CFAP126: variants seen among roughly 807,000 people sequenced by gnomAD.
CFAP126 encodes the protein protein Flattop.
CFAP126 carries 21 observed loss-of-function variants against 17.1 expected under a neutral mutation model. The observed-to-expected ratio is 1.23, with a 90% CI of 0.87 to 1.77. The LOEUF (loss-of-function observed/expected upper bound fraction) is 1.77. Among genes scored for constraint, CFAP126 ranks in the 40% most tolerant of loss-of-function variants. The probability of loss-of-function intolerance (pLI) is 0.00; values close to 1 mark genes in which losing one functional copy is unlikely to be tolerated. For synonymous variants in CFAP126, 65 were observed against 73.5 expected (o/e 0.88, Z 0.59); for missense variants, 174 against 215.4 (o/e 0.81, Z 1.20).
In CFAP126 at chr1:161,365,168, G is replaced by C. The variant is rs115253948; in HGVS notation, c.349-18C>G. The C allele has an allele frequency of 4.1e-3, 6,624 of 1,611,308 alleles. 151 individuals carry two copies. In the African/African-American group the frequency reaches 0.063, roughly 15 times the overall value. On this transcript the variant is annotated intron_variant, in intron 4 of 4. Transcript: ENST00000367974. ...TCATGGGGCTGTCAGTGATAAGAGT[G>C]GGAGAGATAGTCATGTCTCTGGTCA... is the stretch of plus-strand genomic sequence containing the variant.
intron 3 of CFAP126, 163 bp from the exon 4 acceptor site, chr1:161,365,865 T>C (rs1558189029): frequency 1.4e-6 from 1 of 734,496 alleles, no homozygotes; most frequent in Non-Finnish European, 2.2e-6. Context: ...CATTTAGGCT[T>C]TGCAGGCCTA....
At chr1:161,366,776 C>T (rs995361131) in intron 1 of CFAP126, 24 of 445,466 alleles carry the variant, frequency 5.4e-5, no homozygotes, top group Non-Finnish European at 9.1e-5. Flanking sequence ...AAGTTTTTTT[C>T]TTTTCTTTTT....
At position 161,367,837 on chromosome 1, in the gene CFAP126, CT is replaced by C. The variant is rs749111529; in HGVS notation, c.27+4del. On this transcript the variant is annotated splice_donor_region_variant and intron_variant, in intron 1 of 4. Transcript: ENST00000367974. The stretch of plus-strand genomic sequence containing the variant: ...ACGTTAAAGAAATGGAGAATGGGAA[CT>C]TACCTGGTTGGCACTGTAGTTAGTG... The C allele has an allele frequency of 1.2e-6, 2 of 1,613,716 alleles. No individual in the cohort carries two copies. The highest frequency in any genetic ancestry group is 2.2e-5 in the South Asian group (2 of 91,056).
In CFAP126 at chr1:161,364,848, G is replaced by A. The variant is rs1478176129; in HGVS notation, c.*117C>T. ...TGTTTATTTCACTGAGTCGCTATAC[G>A]GGTTTTTCAGTGTGTGGCCACTTGG... On this transcript the variant is annotated 3_prime_UTR_variant, in exon 5 of 5. Coordinates refer to ENST00000367974, the MANE Select transcript of CFAP126 (RefSeq NM_001013625.4). 2.5e-5 allele frequency: 24 copies of A among 973,128 alleles called. No individual in the cohort carries two copies. Among genetic ancestry groups the A allele is most frequent in the Admixed American group, 4.7e-5 (2 of 42,274 alleles). The allele number at this position is 973,128 out of a possible 1,614,324, so 60.3% of individuals were successfully genotyped here. A position where few individuals can be genotyped will look rare whatever the true frequency, so the allele number is the denominator to read the frequency against.
intron 3 of CFAP126, 114 bp downstream of exon 3, chr1:161,366,084 A>G: frequency 1.1e-6 from 1 of 917,908 alleles, no homozygotes; most frequent in Admixed American, 2.0e-5. Context: ...ACATTACAAC[A>G]TGAATTAGAT....
At chr1:161,367,490 A>T (rs896629484) in intron 1 of CFAP126, 1 of 227,662 alleles carries the variant, frequency 4.4e-6, no homozygotes, top group Non-Finnish European at 8.4e-6. Flanking sequence ...AATTGTACTC[A>T]GTTATATTTT....
At position 161,364,832 on chromosome 1, in the gene CFAP126, C is replaced by T; in HGVS notation, c.*133G>A. 1.2e-6 allele frequency: 1 copy of T among 862,108 alleles called. No individual in the cohort carries two copies. Among genetic ancestry groups the T allele is most frequent in the Non-Finnish European group, 1.8e-6 (1 of 567,880 alleles). 53.4% of individuals were successfully genotyped at this position (862,108 alleles called of 1,614,324 possible). A position where few individuals can be genotyped will look rare whatever the true frequency, so the allele number is the denominator to read the frequency against. On this transcript the variant is annotated 3_prime_UTR_variant, in exon 5 of 5. Coordinates refer to ENST00000367974, the MANE Select transcript of CFAP126 (RefSeq NM_001013625.4). The stretch of plus-strand genomic sequence containing the variant: ...TCTGACTGGGGGCTCTTGTTTATTT[C>T]ACTGAGTCGCTATACGGGTTTTTCA...
At chr1:161,365,215 A>G (rs1394973368) in intron 4 of CFAP126, 65 bp from the exon 5 acceptor site, 3 of 1,477,992 alleles carry the variant, frequency 2.0e-6, no homozygotes, top group African/African-American at 1.4e-5. Flanking sequence ...TTCCTAATGC[A>G]CCTCAGGATT....
intron 1 of CFAP126, 61 bp from the exon 2 acceptor site, chr1:161,366,562 G>A (rs1672738121): frequency 6.9e-7 from 1 of 1,444,862 alleles, no homozygotes; most frequent in Non-Finnish European, 9.7e-7. Context: ...AGGAAATGAA[G>A]ACTAGGCACA....
intron 4 of CFAP126, 32 bp downstream of exon 4, chr1:161,365,494 A>G (rs1358540219): frequency 6.2e-7 from 1 of 1,608,948 alleles, no homozygotes; most frequent in Non-Finnish European, 8.5e-7. Context: ...TTGAGACTAC[A>G]GGGTTTTGGG....
chr1:161,367,834 G>T lies in CFAP126; in HGVS notation c.27+8C>A. 1 of 1,613,040 alleles carries T rather than the reference G, an allele frequency of 6.2e-7. No individual in the cohort carries two copies. Among genetic ancestry groups the T allele is most frequent in the Non-Finnish European group, 8.5e-7 (1 of 1,179,052 alleles). On this transcript the variant is annotated splice_region_variant and intron_variant, in intron 1 of 4. Transcript: ENST00000367974. ...TAAACGTTAAAGAAATGGAGAATGGGAACTTACCTGGTTGGCACTGTAGTT... is the reference window on the plus strand; with the variant it reads ...TAAACGTTAAAGAAATGGAGAATGGTAACTTACCTGGTTGGCACTGTAGTT...
chr1:161,367,806 A>C, intron 1 of CFAP126, 36 bp downstream of exon 1: 1 of 1,592,878 alleles, frequency 6.3e-7, no homozygotes, highest in Admixed American at 1.7e-5. Flanking sequence ...TGAAAAACAA[A>C]AGTAAACGTT....
Position 161,366,286 on chromosome 1 carries a change from A to G in CFAP126, c.91-8T>C. Reference sequence around the variant, plus strand: ...TTCATGAGAAGAGATGCTCTGGGGTACAAGTGGGAGAGATAAAGGTTTGTG... The same window carrying G: ...TTCATGAGAAGAGATGCTCTGGGGTGCAAGTGGGAGAGATAAAGGTTTGTG... On this transcript the variant is annotated splice_region_variant and splice_polypyrimidine_tract_variant and intron_variant, in intron 2 of 4. Transcript: ENST00000367974. 4 of 1,611,754 alleles carry G rather than the reference A, an allele frequency of 2.5e-6. No homozygotes were observed. Among genetic ancestry groups the G allele is most frequent in the Non-Finnish European group, 3.4e-6 (4 of 1,177,826 alleles).
At chr1:161,366,017 G>T (rs551657159) in intron 3 of CFAP126, 181 bp downstream of exon 3, 2 of 633,122 alleles carry the variant, frequency 3.2e-6, no homozygotes, top group Non-Finnish European at 5.5e-6. Flanking sequence ...ACTTCTGAAG[G>T]GTGCTAAACA....
chr1:161,366,543 CCCAAA>C, intron 1 of CFAP126, 42 bp from the exon 2 acceptor site: 4 of 1,568,676 alleles, frequency 2.5e-6, no homozygotes, highest in Non-Finnish European at 3.5e-6. Context: ...ACTTCAAGGC[CCCAAA>C]CCCAGGAAAT....
Position 161,365,628 on chromosome 1 carries a change from G to C in CFAP126, c.246C>G (p.Thr82=). ...AGGCAGCACCAGCAGTTGTACGGGA[G>C]GTCAGGGTCACCCGAGCAGGGGGTA... ...LKIPPARVTL[T]SRTTAGAASL... is the part of the protein sequence containing the mutation. The change falls in exon 4 of 5, where the codon ACC becomes ACG. Residue 82 remains threonine, a synonymous_variant. Transcript: ENST00000367974. 1.2e-6 allele frequency: 2 copies of C among 1,614,140 alleles called. No homozygotes were observed. The highest frequency in any genetic ancestry group is 2.2e-5 in the South Asian group (2 of 91,078).
rs1672723381 is a variant in CFAP126, at chr1:161,366,180, G to A, written c.171+18C>T. 1 of 1,571,938 alleles carries A rather than the reference G, an allele frequency of 6.4e-7. No individual in the cohort carries two copies. Among genetic ancestry groups the A allele is most frequent in the South Asian group, 1.1e-5 (1 of 90,226 alleles). ...TAATTATTTGACTTTCTTGATAGGA[G>A]TGAAGATAGTATCTCACCTTGGAAC... On this transcript the variant is annotated intron_variant, in intron 3 of 4. Coordinates refer to ENST00000367974, the MANE Select transcript of CFAP126 (RefSeq NM_001013625.4).
intron 3 of CFAP126, 33 bp downstream of exon 3, chr1:161,366,165 A>C (rs16832874): frequency 0.083 from 124,802 of 1,502,720 alleles, 7,652 homozygotes; most frequent in East Asian, 0.25. Context: ...TAATTATTTG[A>C]CTTTCTTGAT....
chr1:161,364,974 G>A lies in CFAP126; in HGVS notation c.525C>T (p.Ala175=), dbSNP rs1386763967. ...ACTTCCAGGTGGGCTCTTAGGATTT[G>A]GCTGGTCTTTGGGGACCTGGAGTAT... The part of the protein sequence containing the change: ...AGHTPGPQRP[A]KS Residue 175 remains alanine, a synonymous_variant, in exon 5 of 5, where the codon GCC becomes GCT. Coordinates refer to ENST00000367974, the MANE Select transcript of CFAP126 (RefSeq NM_001013625.4). The A allele has an allele frequency of 6.2e-7, 1 of 1,614,008 alleles. No individual in the cohort carries two copies. Among genetic ancestry groups the A allele is most frequent in the Admixed American group, 1.7e-5 (1 of 60,012 alleles).
Sources: gnomAD v4.1 joint callset for allele counts on GRCh38, gnomAD v4.1.1 for gene constraint, MANE v1.5 for transcripts, NCBI Gene and HGNC (gene_info 2026-07-23, HGNC 2026-07-21) for gene names.